The following RNF111 variants were observed in gnomAD, a reference collection of about 807,000 sequenced individuals.
RNF111 encodes the protein ring finger protein 111.
Under a neutral mutation model 95.1 loss-of-function variants are expected in RNF111, and 17 were observed. That is an observed-to-expected ratio of 0.18 (90% confidence interval 0.12 to 0.27). RNF111 has a LOEUF of 0.27. Ranked by LOEUF, RNF111 falls within the 10% of genes least tolerant of loss-of-function variation. The pLI, the probability that RNF111 is intolerant of heterozygous loss-of-function variation, is 1.00. For synonymous variants in RNF111, 440 were observed against 414.8 expected, an observed-to-expected ratio of 1.06 and a Z score of -0.74; for missense variants, 1,189 against 1,210.4, an observed-to-expected ratio of 0.98 and a Z score of 0.26.
chr15:59,087,079 G>A (rs765751844), intron 10 of RNF111, among the ~76,000 whole-genome samples: 1 of 152,180 alleles, frequency 6.6e-6, no homozygotes, highest in Non-Finnish European at 1.5e-5. Flanking sequence ...TGGATGTACT[G>A]AATCTCTATG....
chr15:58,995,393 T>G (rs1336878749), intron 1 of RNF111, among the ~76,000 whole-genome samples: 2 of 152,138 alleles, frequency 1.3e-5, no homozygotes, highest in Non-Finnish European at 2.9e-5. Context: ...ATTTTGATGT[T>G]CAAATTGTCC....
intron 1 of RNF111, among the ~76,000 whole-genome samples, chr15:59,007,396 T>C (rs996575583): frequency 3.3e-5 from 5 of 152,214 alleles, no homozygotes; most frequent in Admixed American, 3.3e-4. Flanking sequence ...TATTGATACA[T>C]GTATCAGTAG....
At chr15:59,027,280 G>C (rs1567223242) in intron 1 of RNF111, among the ~76,000 whole-genome samples, 1 of 152,124 alleles carries the variant, frequency 6.6e-6, no homozygotes, top group Non-Finnish European at 1.5e-5. Flanking sequence ...GTTTCTGGAA[G>C]AACCCCAGCT....
intron 6 of RNF111, among the ~76,000 whole-genome samples, chr15:59,070,457 T>C (rs1448936440): frequency 6.6e-6 from 1 of 152,234 alleles, no homozygotes. Context: ...GTTGATATTC[T>C]AGTCCATTTG....
Position 59,031,283 on chromosome 15 carries a change from C to T in RNF111, c.461C>T (p.Thr154Ile), listed in dbSNP as rs1222888698. Residue 154 changes from threonine (T) to isoleucine (I), a missense_variant, in exon 2 of 14, where the codon ACT becomes ATT. Physicochemically the swap from Thr to Ile is moderately conservative, Grantham distance 89 (BLOSUM62 -1). Transcript: ENST00000348370. Reference sequence around the variant, plus strand: ...CATTTTGGAGATTCTGATACTGTGACTTCAGATGAGGATAAAGAAGTCTCT... The same window carrying T: ...CATTTTGGAGATTCTGATACTGTGATTTCAGATGAGGATAAAGAAGTCTCT... ...SLHFGDSDTV[T>I]SDEDKEVSVR... 6 of 1,614,094 alleles carry T rather than the reference C, an allele frequency of 3.7e-6. No individual in the cohort carries two copies. The highest frequency in any genetic ancestry group is 1.1e-5 in the South Asian group (1 of 91,060).
intron 13 of RNF111, 77 bp downstream of exon 13, chr15:59,092,717 G>A (rs2079085822): frequency 1.5e-6 from 2 of 1,355,488 alleles, no homozygotes; most frequent in Non-Finnish European, 2.0e-6. Context: ...AATTACACCG[G>A]GCATGATGGC....
intron 5 of RNF111, among the ~76,000 whole-genome samples, chr15:59,061,947 C>G (rs752409820): frequency 5.0e-4 from 76 of 152,270 alleles, no homozygotes; most frequent in African/African-American, 1.8e-3. Context: ...TCTCATCCCC[C>G]CTTTCACTAG....
Position 59,084,143 on chromosome 15 carries a change from G to GC in RNF111, c.2318dup (p.Pro774ThrfsTer5). ...TGTGTTTCCAGGCGGGCACATGAACGCCCCCCACCCCATCCACATAGGATG... is the reference window on the plus strand; with the variant it reads ...TGTGTTTCCAGGCGGGCACATGAACGCCCCCCCACCCCATCCACATAGGATG... On this transcript the variant is annotated frameshift_variant, in exon 9 of 14. Coordinates refer to ENST00000348370, the MANE Select transcript of RNF111 (RefSeq NM_017610.8). LOFTEE classifies it high-confidence loss of function. 1.3e-6 allele frequency: 2 copies of GC among 1,584,150 alleles called. No individual in the cohort carries two copies. The highest frequency in any genetic ancestry group is 1.8e-5 in the Admixed American group (1 of 56,660).
At chr15:59,051,418 A>G (rs569368547) in intron 2 of RNF111, among the ~76,000 whole-genome samples, 14 of 148,386 alleles carry the variant, frequency 9.4e-5, no homozygotes, top group African/African-American at 3.0e-4. Flanking sequence ...AGATGGCGCC[A>G]CTGCACTCCA....
intron 11 of RNF111, 70 bp from the exon 12 acceptor site, chr15:59,090,989 C>A: frequency 1.1e-6 from 1 of 929,276 alleles, no homozygotes; most frequent in East Asian, 2.5e-5. Context: ...ATTTCTTATA[C>A]AATGTTGACA....
At chr15:59,087,567 T>C (rs533057260) in intron 10 of RNF111, among the ~76,000 whole-genome samples, 1 of 152,310 alleles carries the variant, frequency 6.6e-6, no homozygotes, top group East Asian at 1.9e-4. Context: ...TAGATAATGA[T>C]AGTTTACAAT....
At chr15:59,017,813 A>G (rs1338362321) in intron 1 of RNF111, among the ~76,000 whole-genome samples, 1 of 142,418 alleles carries the variant, frequency 7.0e-6, no homozygotes, top group Admixed American at 7.2e-5. Context: ...GCTAGAGTGC[A>G]ATGGCACAAT....
chr15:59,038,251 A>T (rs1426179517), intron 2 of RNF111, among the ~76,000 whole-genome samples: 1 of 152,212 alleles, frequency 6.6e-6, no homozygotes, highest in East Asian at 1.9e-4. Context: ...GCATCACTAG[A>T]AACTTTGTCT....
chr15:59,084,250 G>C lies in RNF111; in HGVS notation c.2419G>C (p.Ala807Pro). The C allele has an allele frequency of 6.3e-7, 1 of 1,581,178 alleles. No individual in the cohort carries two copies. Among genetic ancestry groups the C allele is most frequent in the South Asian group, 1.2e-5 (1 of 85,178 alleles). ...TCCTCGACAGGCTCCAGAGAGGTCT[G>C]CCTGGTCAGTATCTTCTTTAATTTC... ...SHPRQAPERS[A>P]WELGIEAGVT... The change falls in exon 9 of 14, where the codon GCC (alanine) becomes CCC (proline). Residue 807 changes from alanine (A) to proline (P), a missense_variant. Physicochemically the swap from Ala to Pro is conservative, Grantham distance 27 (BLOSUM62 -1). Coordinates refer to ENST00000348370, the MANE Select transcript of RNF111 (RefSeq NM_017610.8).
At chr15:59,027,314 T>C (rs1383293745) in intron 1 of RNF111, among the ~76,000 whole-genome samples, 2 of 152,186 alleles carry the variant, frequency 1.3e-5, no homozygotes, top group African/African-American at 4.8e-5. Flanking sequence ...ATCATGAGAC[T>C]TCTGTTGCTG....
chr15:59,049,025 C>A (rs1358239608), intron 2 of RNF111, among the ~76,000 whole-genome samples: 1 of 152,002 alleles, frequency 6.6e-6, no homozygotes, highest in African/African-American at 2.4e-5. Flanking sequence ...CACTGGAGCC[C>A]AGGAGATTGA....
intron 5 of RNF111, chr15:59,058,769 G>C: frequency 2.1e-6 from 1 of 475,246 alleles, no homozygotes. Flanking sequence ...GCTCAAATAA[G>C]AGAGCTTGGG....
At chr15:59,046,475 C>T (rs1257014393) in intron 2 of RNF111, among the ~76,000 whole-genome samples, 1 of 152,208 alleles carries the variant, frequency 6.6e-6, no homozygotes, top group Non-Finnish European at 1.5e-5. Flanking sequence ...TTACAGGCGT[C>T]AGCCTCTGTA....
At chr15:58,993,279 C>T (rs1456683020) in intron 1 of RNF111, among the ~76,000 whole-genome samples, 2 of 152,204 alleles carry the variant, frequency 1.3e-5, no homozygotes, top group African/African-American at 2.4e-5. Context: ...GAGGCCAAGG[C>T]GAGTGGATCA....
Sources: gnomAD v4.1 joint callset for allele counts (sites outside exome capture counted in the v4.1 genomes callset) on GRCh38, gnomAD v4.1.1 for gene constraint, MANE v1.5 for transcripts, NCBI Gene and HGNC (gene_info 2026-07-23, HGNC 2026-07-21) for gene names.